PKIB: variants seen among roughly 807,000 people sequenced by gnomAD.
PKIB encodes the protein cAMP-dependent protein kinase inhibitor beta, also known as PKI-beta.
A neutral mutation model predicts 4.5 loss-of-function variants in PKIB; 2 were observed. The ratio of observed to expected loss-of-function variants is 0.44; its 90% CI spans 0.18 to 1.39. PKIB has a LOEUF of 1.39. Ranked by LOEUF, PKIB falls within the 40% of genes most tolerant of loss-of-function variation. The pLI is 0.27. For missense variants in PKIB, 94 were observed against 92.6 expected (o/e 1.02, Z -0.06); for synonymous variants, 38 against 36.0 (o/e 1.06, Z -0.20).
At chr6:122,616,345 G>A (rs1582741121) in intron 1 of PKIB, among the ~76,000 whole-genome samples, 1 of 152,230 alleles carries the variant, frequency 6.6e-6, no homozygotes, top group African/African-American at 2.4e-5. Context: ...CAAGAGTAAT[G>A]GCTTTATGAT....
intron 2 of PKIB, among the ~76,000 whole-genome samples, chr6:122,649,559 T>A (rs1776466529): frequency 1.3e-5 from 2 of 152,152 alleles, no homozygotes; most frequent in African/African-American, 4.8e-5. Flanking sequence ...TTGGGCCACT[T>A]CCTTATGTAG....
chr6:122,472,176 C>T (rs1304511930), intron 1 of PKIB: 3 of 167,216 alleles, frequency 1.8e-5, no homozygotes, highest in Non-Finnish European at 3.9e-5. Context: ...ATTGCTTCCT[C>T]TTTCTCAGTC....
At chr6:122,479,722 C>G (rs1341936591) in intron 2 of PKIB, 1 of 152,186 alleles carries the variant, frequency 6.6e-6, no homozygotes, top group African/African-American at 2.4e-5. Context: ...TCCCCAAACC[C>G]AACATCAGAG....
intron 2 of PKIB, among the ~76,000 whole-genome samples, chr6:122,574,980 A>G (rs1410209578): frequency 1.3e-5 from 2 of 152,222 alleles, no homozygotes; most frequent in East Asian, 3.8e-4. Context: ...GTAGGAGAAA[A>G]TATTTGCAAA....
At chr6:122,484,200 A>T (rs1775702310) in intron 2 of PKIB, 1 of 151,970 alleles carries the variant, frequency 6.6e-6, no homozygotes. Context: ...AAAAAAAACC[A>T]CTCTTGCAGT....
intron 2 of PKIB, among the ~76,000 whole-genome samples, chr6:122,534,143 T>C (rs73547242): frequency 0.014 from 2,083 of 148,398 alleles, 56 homozygotes; most frequent in African/African-American, 0.049. Flanking sequence ...GTATATTATA[T>C]TTTTTATATA....
At chr6:122,534,039 A>G (rs197678) in intron 2 of PKIB, among the ~76,000 whole-genome samples, 83,438 of 151,412 alleles carry the variant, frequency 0.55, 23,289 homozygotes, top group South Asian at 0.68. Flanking sequence ...TATAAACTTC[A>G]TCTGTGACCT....
intron 1 of PKIB, among the ~76,000 whole-genome samples, chr6:122,629,897 T>C (rs1469523705): frequency 2.0e-5 from 3 of 152,136 alleles, no homozygotes; most frequent in Non-Finnish European, 2.9e-5. Context: ...TAATGCGGTA[T>C]CCTAAATGAC....
chr6:122,503,257 G>A (rs1003528324), intron 2 of PKIB, among the ~76,000 whole-genome samples: 1 of 152,066 alleles, frequency 6.6e-6, no homozygotes, highest in Non-Finnish European at 1.5e-5. Flanking sequence ...ACAGGTAGTG[G>A]GTCTCTGAAA....
intron 1 of PKIB, among the ~76,000 whole-genome samples, chr6:122,618,381 A>G (rs117351844): frequency 0.039 from 5,983 of 152,166 alleles, 166 homozygotes; most frequent in Non-Finnish European, 0.062. Context: ...TTACATAATA[A>G]TGAATTATTC....
At chr6:122,520,661 T>TCCCCC (rs543467489) in intron 2 of PKIB, among the ~76,000 whole-genome samples, 64 of 55,536 alleles carry the variant, frequency 1.2e-3, no homozygotes, top group Middle Eastern at 0.013. Flanking sequence ...AAGTTTATGT[T>TCCCCC]CCCACCCCCC....
intron 2 of PKIB, among the ~76,000 whole-genome samples, chr6:122,521,505 G>C (rs968932925): frequency 1.3e-5 from 2 of 151,762 alleles, no homozygotes; most frequent in African/African-American, 4.8e-5. Context: ...ACGGTGAAAC[G>C]CTGTCTTTAC....
chr6:122,635,457 A>G (rs1298691030), intron 2 of PKIB, among the ~76,000 whole-genome samples: 2 of 151,906 alleles, frequency 1.3e-5, no homozygotes, highest in Non-Finnish European at 2.9e-5. Flanking sequence ...ATACACTCTT[A>G]AGGAACAAAT....
chr6:122,650,830 C>T (rs770985863), intron 2 of PKIB, among the ~76,000 whole-genome samples: 9 of 152,286 alleles, frequency 5.9e-5, no homozygotes, highest in Middle Eastern at 3.4e-3. Flanking sequence ...TCTACTATTT[C>T]GATCTCCCTC....
At chr6:122,505,382 C>T (rs908143274) in intron 2 of PKIB, among the ~76,000 whole-genome samples, 7 of 152,152 alleles carry the variant, frequency 4.6e-5, no homozygotes, top group Non-Finnish European at 1.0e-4. Flanking sequence ...ACCCCACAAG[C>T]CCTTTTCCCA....
rs1375674448 is a variant in PKIB, at chr6:122,591,048, AC to A, written c.-161+5042del. 3.3e-5 allele frequency among the ~76,000 whole-genome samples: 5 copies of A among 152,172 alleles called. No homozygotes were observed. The East Asian group carries it at 7.7e-4, about 23-fold the overall frequency. Reference sequence around the variant, plus strand: ...AAAAAAAAAACAGACAAACAAAAAAACAAACCCTGATTTCAGACATCTGACA... The same window carrying A: ...AAAAAAAAAACAGACAAACAAAAAAAAAACCCTGATTTCAGACATCTGACA... On this transcript the variant is annotated intron_variant, in intron 3 of 6. Coordinates refer to the PKIB transcript ENST00000392491.
intron 2 of PKIB, among the ~76,000 whole-genome samples, chr6:122,645,124 A>T (rs1383277206): frequency 1.3e-5 from 2 of 152,140 alleles, no homozygotes; most frequent in Admixed American, 1.3e-4. Flanking sequence ...GCTGTTTATC[A>T]CTTTTCTTTA....
chr6:122,473,870 C>T (rs1004239858), intron 1 of PKIB, among the ~76,000 whole-genome samples: 13 of 152,234 alleles, frequency 8.5e-5, no homozygotes, highest in African/African-American at 3.1e-4. Flanking sequence ...TGGTGGCTCA[C>T]ACCCATTATC....
intron 3 of PKIB, among the ~76,000 whole-genome samples, chr6:122,599,503 C>T (rs535913831): frequency 1.9e-3 from 283 of 152,264 alleles, no homozygotes; most frequent in Non-Finnish European, 3.5e-3. Flanking sequence ...TTTTTCTCTA[C>T]AGGAGATAAG....
Sources: allele counts gnomAD v4.1 joint callset (sites outside exome capture counted in the v4.1 genomes callset), GRCh38; gene constraint gnomAD v4.1.1; transcripts MANE v1.5; gene names NCBI Gene and HGNC (gene_info 2026-07-23, HGNC 2026-07-21).